The following KIF20B variants were observed in gnomAD, a reference collection of about 807,000 sequenced individuals.
KIF20B encodes kinesin-like protein KIF20B.
Under a neutral mutation model 232.5 loss-of-function variants are expected in KIF20B, and 188 were observed. The ratio of observed to expected loss-of-function variants is 0.81; its 90% CI spans 0.72 to 0.91. The LOEUF (loss-of-function observed/expected upper bound fraction) is 0.91, where lower values mean the gene tolerates loss of function less well. Ranked by LOEUF, KIF20B falls within the 40% of genes least tolerant of loss-of-function variation. KIF20B has a pLI of 0.00. For missense variants in KIF20B, 2,154 were observed against 2,055.9 expected (o/e 1.05, Z -0.92); for synonymous variants, 712 against 683.0 (o/e 1.04, Z -0.66).
intron 1 of KIF20B, among the ~76,000 whole-genome samples, chr10:89,703,286 A>G (rs1035776331): frequency 2.0e-5 from 3 of 152,152 alleles, no homozygotes; most frequent in Admixed American, 6.5e-5. Context: ...AATTTAGGGG[A>G]AAAAAGTCAA....
At position 89,715,126 on chromosome 10, in the gene KIF20B, A is replaced by C; in HGVS notation, c.884A>C (p.Gln295Pro). The C allele has an allele frequency of 1.2e-6, 2 of 1,608,606 alleles. No individual in the cohort carries two copies. The highest frequency in any genetic ancestry group is 1.7e-6 in the Non-Finnish European group (2 of 1,177,974). Residue 295 changes from glutamine (Q) to proline (P), a missense_variant, in exon 8 of 33, where the codon CAA becomes CCA. Physicochemically the swap from Gln to Pro is moderately conservative, Grantham distance 76. Coordinates refer to ENST00000371728, the MANE Select transcript of KIF20B (RefSeq NM_001284259.2). ...TTTGTTCCTGTATCATCTAAATTCC[A>C]AAAGAGAAAGATGCTGCGCCTTTCC... is the stretch of plus-strand genomic sequence containing the variant. ...DLFVPVSSKF[Q>P]KRKMLRLSQD...
At chr10:89,733,103 T>C (rs752758595) in intron 19 of KIF20B, 47 bp downstream of exon 19, 1 of 1,599,558 alleles carries the variant, frequency 6.3e-7, no homozygotes, top group Admixed American at 1.7e-5. Flanking sequence ...AGCTAATTTC[T>C]AAACCAGTAA....
At chr10:89,771,853 G>A (rs1032346998) in intron 31 of KIF20B, among the ~76,000 whole-genome samples, 2 of 151,970 alleles carry the variant, frequency 1.3e-5, no homozygotes, top group African/African-American at 4.8e-5. Context: ...GTGGGTAGGA[G>A]CTGGTGCTTT....
intron 6 of KIF20B, among the ~76,000 whole-genome samples, chr10:89,713,032 C>T (rs1373319101): frequency 6.6e-6 from 1 of 151,872 alleles, no homozygotes; most frequent in African/African-American, 2.4e-5. Flanking sequence ...ACTCCATAGC[C>T]AATTCATAGA....
rs759950855 is a variant in KIF20B, at chr10:89,737,369, A to G, written c.2546-18A>G. 6.9e-7 allele frequency: 1 copy of G among 1,456,722 alleles called. No individual in the cohort carries two copies. The highest frequency in any genetic ancestry group is 9.0e-7 in the Non-Finnish European group (1 of 1,106,128). The allele number at this position is 1,456,722 out of a possible 1,614,324, so 90.2% of individuals were successfully genotyped here. ...ATTAAGGTTTGCCAGATTAATAACA[A>G]TTTTCTTATTTTTAAAGGGTCTATC... On this transcript the variant is annotated intron_variant, in intron 19 of 32. Transcript: ENST00000371728.
intron 19 of KIF20B, among the ~76,000 whole-genome samples, chr10:89,733,806 G>A (rs1175984150): frequency 6.6e-6 from 1 of 152,100 alleles, no homozygotes; most frequent in South Asian, 2.1e-4. Context: ...TGTCCACTGA[G>A]CTTTTAAAAT....
rs773151592 is a variant in KIF20B at position 89,710,986 on chromosome 10, G to A, written c.516G>A (p.Leu172=). The A allele has an allele frequency of 1.6e-5, 26 of 1,606,072 alleles. 1 individual carries two copies. The South Asian group carries it at 2.8e-4, about 17-fold the overall frequency. Residue 172 remains leucine (L), a synonymous_variant, in exon 6 of 33, where the codon CTG becomes CTA. Coordinates refer to ENST00000371728, the MANE Select transcript of KIF20B (RefSeq NM_001284259.2). The stretch of plus-strand genomic sequence containing the variant: ...GGACAGAAGAAAATATTGGCATTCT[G>A]CCTCGAACTTTGAATGTATTATTTG... The part of the protein sequence containing the change: ...FQGTEENIGI[L]PRTLNVLFDS...
chr10:89,707,263 C>T (rs1351214728), intron 2 of KIF20B, among the ~76,000 whole-genome samples: 1 of 152,180 alleles, frequency 6.6e-6, no homozygotes, highest in Admixed American at 6.5e-5. Context: ...GTAACTGTCA[C>T]TACAGTCAAG....
At chr10:89,719,336 G>C in intron 12 of KIF20B, 83 bp from the exon 13 acceptor site, 1 of 1,017,258 alleles carries the variant, frequency 9.8e-7, no homozygotes, top group East Asian at 2.4e-5. Context: ...GTGTTCATTT[G>C]ACTTAAATTT....
At chr10:89,721,859 C>T (rs1165802813) in intron 13 of KIF20B, among the ~76,000 whole-genome samples, 1 of 152,096 alleles carries the variant, frequency 6.6e-6, no homozygotes, top group Non-Finnish European at 1.5e-5. Context: ...GGAAATTCAT[C>T]AAAATGTCTA....
At chr10:89,748,506 A>T (rs778774603) in intron 23 of KIF20B, among the ~76,000 whole-genome samples, 2 of 152,206 alleles carry the variant, frequency 1.3e-5, no homozygotes, top group Non-Finnish European at 2.9e-5. Flanking sequence ...AGAAAGGGTA[A>T]CACAACCAGA....
intron 15 of KIF20B, among the ~76,000 whole-genome samples, chr10:89,725,585 T>C (rs1282737980): frequency 6.6e-6 from 1 of 152,160 alleles, no homozygotes; most frequent in Non-Finnish European, 1.5e-5. Flanking sequence ...TTCTTACTCT[T>C]TTAAAATTTT....
chr10:89,773,023 A>G (rs1326906484), intron 32 of KIF20B, among the ~76,000 whole-genome samples, 192 bp downstream of exon 32: 1 of 152,108 alleles, frequency 6.6e-6, no homozygotes, highest in Non-Finnish European at 1.5e-5. Flanking sequence ...AGCGTCATGC[A>G]TTTGCATTTG....
intron 23 of KIF20B, among the ~76,000 whole-genome samples, chr10:89,747,691 G>A (rs929448323): frequency 1.1e-4 from 17 of 151,230 alleles, no homozygotes; most frequent in Non-Finnish European, 2.2e-4. Context: ...AACAATGAGA[G>A]CACATGGACA....
In KIF20B at chr10:89,719,690, G is replaced by A; in HGVS notation, c.1706G>A (p.Ser569Asn). Residue 569 changes from serine to asparagine, a missense_variant, in exon 13 of 33, where the codon AGC becomes AAC. Coordinates refer to ENST00000371728, the MANE Select transcript of KIF20B (RefSeq NM_001284259.2). ...KTLEENKAFISHEEKRKLLDL... is the reference protein window; with the variant it reads ...KTLEENKAFINHEEKRKLLDL... ...TTAGAGGAAAATAAGGCTTTCATTA[G>A]CCACGAGGAGAAAAGAGTATGTATT... 6.2e-7 allele frequency: 1 copy of A among 1,603,180 alleles called. No individual in the cohort carries two copies. The highest frequency in any genetic ancestry group is 8.5e-7 in the Non-Finnish European group (1 of 1,176,146).
At chr10:89,717,050 G>A (rs970566460) in intron 9 of KIF20B, among the ~76,000 whole-genome samples, 13 of 152,148 alleles carry the variant, frequency 8.5e-5, no homozygotes, top group African/African-American at 3.1e-4. Context: ...ACAAGATCCG[G>A]ATCTATAGGT....
At chr10:89,728,886 T>C (rs1191621306) in intron 17 of KIF20B, among the ~76,000 whole-genome samples, 1 of 151,066 alleles carries the variant, frequency 6.6e-6, no homozygotes, top group Non-Finnish European at 1.5e-5. Flanking sequence ...TCTTATATGC[T>C]ATATAGCTTC....
intron 25 of KIF20B, among the ~76,000 whole-genome samples, chr10:89,753,708 C>A (rs1196723137): frequency 6.6e-6 from 1 of 152,096 alleles, no homozygotes; most frequent in Admixed American, 6.6e-5. Context: ...GCAGCCTCCA[C>A]CCCCTGGGTT....
In KIF20B at chr10:89,732,888, C is replaced by T; in HGVS notation, c.2392-15C>T. 1.3e-6 allele frequency: 2 copies of T among 1,517,520 alleles called. No individual in the cohort carries two copies. Among genetic ancestry groups the T allele is most frequent in the Non-Finnish European group, 1.8e-6 (2 of 1,128,932 alleles). The allele number at this position is 1,517,520 out of a possible 1,614,324, so 94.0% of individuals were successfully genotyped here. A position where few individuals can be genotyped will look rare whatever the true frequency, so the allele number is the denominator to read the frequency against. ...CTTTCTATATGTGAATTATTTTTAA[C>T]TTATTTTGCTTTAGGACAAGGCTGA... On this transcript the variant is annotated splice_polypyrimidine_tract_variant and intron_variant, in intron 18 of 32. Transcript: ENST00000371728.
Sources: allele counts gnomAD v4.1 joint callset (sites outside exome capture counted in the v4.1 genomes callset), GRCh38; gene constraint gnomAD v4.1.1; transcripts MANE v1.5; gene names NCBI Gene and HGNC (gene_info 2026-07-23, HGNC 2026-07-21).